The following IKBIP variants were observed in gnomAD, a reference collection of about 807,000 sequenced individuals.
IKBIP encodes IKBKB interacting protein, also known as inhibitor of nuclear factor kappa-B kinase-interacting protein.
IKBIP carries 28 observed loss-of-function variants against 31.0 expected under a neutral mutation model. The ratio of observed to expected loss-of-function variants is 0.90; its 90% CI spans 0.67 to 1.24. The LOEUF is 1.24. IKBIP is among the 50% of genes most tolerant of loss of function. IKBIP has a pLI of 0.00. For synonymous variants in IKBIP, 164 were observed against 160.3 expected (o/e 1.02, Z -0.17); for missense variants, 453 against 441.9 (o/e 1.03, Z -0.23).
At chr12:98,631,211 G>C (rs2097619880) in intron 2 of IKBIP, among the ~76,000 whole-genome samples, 1 of 151,716 alleles carries the variant, frequency 6.6e-6, no homozygotes, top group Admixed American at 6.6e-5. Flanking sequence ...TGGGATTACA[G>C]GTGTGAGCCA....
intron 2 of IKBIP, among the ~76,000 whole-genome samples, chr12:98,628,648 T>G (rs1304446429): frequency 6.6e-6 from 1 of 152,332 alleles, no homozygotes; most frequent in South Asian, 2.1e-4. Context: ...TAAAAAATTT[T>G]GAGGGTTCAC....
chr12:98,624,111 C>CATGGTA, downstream of IKBIP: 1 of 200,732 alleles, frequency 5.0e-6, no homozygotes, highest in Non-Finnish European at 8.4e-6. Flanking sequence ...TAACCATTAC[C>CATGGTA]ATGGTATATA....
At position 98,626,327 on chromosome 12, in the gene IKBIP, T is replaced by G; in HGVS notation, c.737A>C (p.His246Pro). ...ATCTTCATCTCTGGCAAAGAGGGCA[T>G]GCTGTTCCTCTTCTAACTTTTCAAT... ...KAIEKLEEEQ[H>P]ALFARDEDLT... The change falls in exon 3 of 3, where the codon CAT (histidine) becomes CCT (proline). Residue 246 changes from histidine to proline, a missense_variant. Coordinates refer to ENST00000299157, the MANE Select transcript of IKBIP (RefSeq NM_153687.4). 6.2e-7 allele frequency: 1 copy of G among 1,614,154 alleles called. No homozygotes were observed. The highest frequency in any genetic ancestry group is 1.3e-5 in the African/African-American group (1 of 75,080).
At chr12:98,620,297 G>T (rs539731283), downstream of IKBIP, among the ~76,000 whole-genome samples, 27 of 152,000 alleles carry the variant, frequency 1.8e-4, no homozygotes, top group African/African-American at 4.1e-4. Context: ...ACATTGCCTG[G>T]ATCTACAAGC....
intron 2 of IKBIP, among the ~76,000 whole-genome samples, chr12:98,627,552 C>T (rs1189575399): frequency 6.6e-6 from 1 of 151,760 alleles, no homozygotes; most frequent in Non-Finnish European, 1.5e-5. Flanking sequence ...CATTCTCCTG[C>T]CTCAGCCTCC....
chr12:98,614,875 C>T (rs1398131138), intron 2 of IKBIP, among the ~76,000 whole-genome samples: 1 of 152,072 alleles, frequency 6.6e-6, no homozygotes, highest in African/African-American at 2.4e-5. Flanking sequence ...TGAAATGTCC[C>T]TGGAAATTAC....
intron 2 of IKBIP, among the ~76,000 whole-genome samples, chr12:98,627,273 CTA>C (rs1320628206): frequency 7.6e-6 from 1 of 131,118 alleles, no homozygotes; most frequent in Non-Finnish European, 1.6e-5. Flanking sequence ...CTGGCCAGCA[CTA>C]TGTTAAAAAA....
chr12:98,622,835 ATAAT>A (rs752585778), downstream of IKBIP, among the ~76,000 whole-genome samples: 3 of 152,184 alleles, frequency 2.0e-5, no homozygotes, highest in Non-Finnish European at 4.4e-5. Flanking sequence ...ATATACAAGT[ATAAT>A]TAGTCAATAG....
At chr12:98,619,912 ATTAT>A (rs531585772), downstream of IKBIP, among the ~76,000 whole-genome samples, 19 of 138,554 alleles carry the variant, frequency 1.4e-4, no homozygotes, top group East Asian at 6.7e-4. Flanking sequence ...CAGTGATTTG[ATTAT>A]TTATTTATTT....
At chr12:98,618,172 C>T (rs2097607324) in intron 2 of IKBIP, among the ~76,000 whole-genome samples, 1 of 151,820 alleles carries the variant, frequency 6.6e-6, no homozygotes, top group South Asian at 2.1e-4. Flanking sequence ...TAGCAAGACC[C>T]CCATCTCTAA....
In IKBIP at chr12:98,626,122, T is replaced by G; in HGVS notation, c.942A>C (p.Ala314=). Residue 314 remains alanine, a synonymous_variant, in exon 3 of 3, where the codon GCA becomes GCC. Coordinates refer to ENST00000299157, the MANE Select transcript of IKBIP (RefSeq NM_153687.4). ...TCTGCATCTCCATTATTTCAGACACTGCTTTCAGCATATCATCTTCCATAT... is the reference window on the plus strand; with the variant it reads ...TCTGCATCTCCATTATTTCAGACACGGCTTTCAGCATATCATCTTCCATAT... ...MFNMEDDMLK[A]VSEIMEMQKT... 6.2e-7 allele frequency: 1 copy of G among 1,606,444 alleles called. No homozygotes were observed. The highest frequency in any genetic ancestry group is 8.5e-7 in the Non-Finnish European group (1 of 1,175,022).
intron 2 of IKBIP, among the ~76,000 whole-genome samples, chr12:98,618,420 A>T (rs1330365158): frequency 6.6e-6 from 1 of 151,844 alleles, no homozygotes; most frequent in Non-Finnish European, 1.5e-5. Context: ...AGGTCAAGAG[A>T]TCGAGACCAT....
At chr12:98,614,303 G>A (rs777373034) in exon 3 of IKBIP, 1 of 1,592,562 alleles carries the variant, frequency 6.3e-7, no homozygotes, top group Admixed American at 1.7e-5. Context: ...TATTTGAAAA[G>A]ACTTCAATTG....
chr12:98,623,983 A>G (rs748580902), downstream of IKBIP, among the ~76,000 whole-genome samples: 5 of 151,154 alleles, frequency 3.3e-5, no homozygotes, highest in Non-Finnish European at 5.9e-5. Flanking sequence ...ATACATACAT[A>G]CAAACGCATA....
At position 98,625,583 on chromosome 12, in the gene IKBIP, C is replaced by T. The variant is rs929375534; in HGVS notation, c.*347G>A. The T allele has an allele frequency of 1.3e-5, 2 of 155,518 alleles. No homozygotes were observed. Among genetic ancestry groups the T allele is most frequent in the African/African-American group, 2.4e-5 (1 of 41,582 alleles). 9.6% of individuals were successfully genotyped at this position (155,518 alleles called of 1,614,324 possible). A position where few individuals can be genotyped will look rare whatever the true frequency, so the allele number is the denominator to read the frequency against. On this transcript the variant is annotated 3_prime_UTR_variant, in exon 3 of 3. Transcript: ENST00000299157. ...GGGTCATTTAGTGAAGTGGTAAATA[C>T]TCTTTATTAGCCCCTGGAGACATCA...
At chr12:98,632,494 AAAAAAAAAAAAAAAAAAAATAT>A (rs1475994682) in intron 2 of IKBIP, among the ~76,000 whole-genome samples, 1 of 55,496 alleles carries the variant, frequency 1.8e-5, no homozygotes, top group African/African-American at 7.9e-5. Flanking sequence ...AAAAAAAAAA[AAAAAAAAAAAAAAAAAAAATAT>A]ATATATATAT....
chr12:98,630,242 G>A (rs568914664), intron 2 of IKBIP, among the ~76,000 whole-genome samples: 87 of 151,664 alleles, frequency 5.7e-4, no homozygotes, highest in East Asian at 1.2e-3. Flanking sequence ...AAAATTAGCC[G>A]GGTATGTTGG....
chr12:98,644,389 G>T, intron 1 of IKBIP, 134 bp downstream of exon 1: 1 of 795,754 alleles, frequency 1.3e-6, no homozygotes, highest in Non-Finnish European at 1.9e-6. Flanking sequence ...TCCTTCCTTT[G>T]GGGTCAAGAC....
At chr12:98,632,876 C>T (rs2097622297) in intron 2 of IKBIP, among the ~76,000 whole-genome samples, 1 of 152,028 alleles carries the variant, frequency 6.6e-6, no homozygotes. Flanking sequence ...GATCCGCCTG[C>T]CTTGGCCTCC....
Sources: gnomAD v4.1 joint callset for allele counts (sites outside exome capture counted in the v4.1 genomes callset) on GRCh38, gnomAD v4.1.1 for gene constraint, MANE v1.5 for transcripts, NCBI Gene and HGNC (gene_info 2026-07-23, HGNC 2026-07-21) for gene names.